Variants in ZNF277 observed in about 807,000 individuals in gnomAD.
The protein encoded by ZNF277 is zinc finger protein 277.
Under a neutral mutation model 60.7 loss-of-function variants are expected in ZNF277, and 55 were observed. The observed-to-expected ratio is 0.91, with a 90% confidence interval of 0.73 to 1.13. ZNF277 has a LOEUF of 1.13. Ranked by LOEUF, ZNF277 falls within the 50% of genes most tolerant of loss-of-function variation. ZNF277 has a pLI of 0.00. For synonymous variants in ZNF277, 178 were observed against 179.3 expected, an observed-to-expected ratio of 0.99 and a Z score of 0.06; for missense variants, 510 against 523.0, an observed-to-expected ratio of 0.98 and a Z score of 0.24.
At chr7:112,327,865 T>C in intron 6 of ZNF277, 38 bp downstream of exon 6, 1 of 1,336,838 alleles carries the variant, frequency 7.5e-7, no homozygotes, top group Non-Finnish European at 1.0e-6. Flanking sequence ...TAAAGCTGTT[T>C]TAATCTTGGA....
chr7:112,258,213 A>G (rs1791367752), intron 1 of ZNF277, among the ~76,000 whole-genome samples: 1 of 152,178 alleles, frequency 6.6e-6, no homozygotes, highest in South Asian at 2.1e-4. Flanking sequence ...AGGTAAGTGC[A>G]TGAATTTTAG....
At chr7:112,317,102 G>A (rs1186969581) in intron 4 of ZNF277, among the ~76,000 whole-genome samples, 1 of 152,074 alleles carries the variant, frequency 6.6e-6, no homozygotes, top group African/African-American at 2.4e-5. Flanking sequence ...GTTGAACAAT[G>A]AGAACACATG....
intron 1 of ZNF277, among the ~76,000 whole-genome samples, chr7:112,212,380 C>T (rs926589393): frequency 3.9e-5 from 6 of 152,148 alleles, no homozygotes; most frequent in South Asian, 2.1e-4. Context: ...TTTGACAAAA[C>T]GGTATTTAAA....
intron 1 of ZNF277, among the ~76,000 whole-genome samples, chr7:112,248,800 C>T (rs1428071216): frequency 6.6e-6 from 1 of 152,024 alleles, no homozygotes; most frequent in Non-Finnish European, 1.5e-5. Context: ...AAATGATAGT[C>T]ATCATTTTTG....
chr7:112,292,506 CCT>C (rs2117070872), intron 2 of ZNF277, among the ~76,000 whole-genome samples: 1 of 152,256 alleles, frequency 6.6e-6, no homozygotes, highest in South Asian at 2.1e-4. Context: ...TTCTATGTGA[CCT>C]CATTGGTCTC....
At chr7:112,316,551 A>G (rs540965744) in intron 4 of ZNF277, among the ~76,000 whole-genome samples, 1 of 151,984 alleles carries the variant, frequency 6.6e-6, no homozygotes, top group Non-Finnish European at 1.5e-5. Context: ...TGCTTGCAGA[A>G]GCTTTCTAGT....
At chr7:112,317,583 A>G (rs916257458) in intron 4 of ZNF277, among the ~76,000 whole-genome samples, 1 of 152,156 alleles carries the variant, frequency 6.6e-6, no homozygotes, top group Admixed American at 6.6e-5. Flanking sequence ...TTATCAGAGC[A>G]TATTTTAAAT....
chr7:112,257,093 A>G (rs1791331469), intron 1 of ZNF277, among the ~76,000 whole-genome samples: 3 of 152,216 alleles, frequency 2.0e-5, no homozygotes, highest in Admixed American at 2.0e-4. Flanking sequence ...ATGGGATTAC[A>G]CACTTCACTG....
chr7:112,216,638 C>T (rs887926062), intron 1 of ZNF277, among the ~76,000 whole-genome samples: 1 of 152,198 alleles, frequency 6.6e-6, no homozygotes, highest in African/African-American at 2.4e-5. Flanking sequence ...ATTAGCACTC[C>T]TGGTTAAGAT....
At chr7:112,226,759 CAG>C (rs1418126110) in intron 1 of ZNF277, among the ~76,000 whole-genome samples, 1 of 152,060 alleles carries the variant, frequency 6.6e-6, no homozygotes, top group Non-Finnish European at 1.5e-5. Flanking sequence ...GTATCATTGT[CAG>C]AAATGTCAGT....
intron 1 of ZNF277, among the ~76,000 whole-genome samples, chr7:112,214,642 C>G (rs1821835545): frequency 1.3e-5 from 2 of 152,082 alleles, no homozygotes; most frequent in Admixed American, 6.6e-5. Flanking sequence ...CTATAGGAAC[C>G]AAGTAAAGTT....
intron 1 of ZNF277, among the ~76,000 whole-genome samples, chr7:112,225,902 T>C (rs1392214881): frequency 6.6e-6 from 1 of 152,198 alleles, no homozygotes; most frequent in Non-Finnish European, 1.5e-5. Flanking sequence ...AAGAAAATTT[T>C]TTGAGCAAAT....
chr7:112,284,298 CAATT>C (rs1180992946), intron 1 of ZNF277, among the ~76,000 whole-genome samples: 2 of 152,126 alleles, frequency 1.3e-5, no homozygotes, highest in African/African-American at 4.8e-5. Flanking sequence ...CTGTATATCT[CAATT>C]AAATCTGTGG....
intron 1 of ZNF277, among the ~76,000 whole-genome samples, chr7:112,259,762 C>A (rs898119381): frequency 5.3e-5 from 8 of 152,172 alleles, no homozygotes; most frequent in Non-Finnish European, 1.0e-4. Context: ...ACAGCTCATA[C>A]AAACTGAGTA....
At chr7:112,212,887 T>G (rs4132325) in intron 1 of ZNF277, among the ~76,000 whole-genome samples, 2 of 152,012 alleles carry the variant, frequency 1.3e-5, no homozygotes, top group African/African-American at 2.4e-5. Flanking sequence ...CACACACACA[T>G]TGACACTCAA....
At chr7:112,300,000 G>A (rs1792439588) in intron 4 of ZNF277, among the ~76,000 whole-genome samples, 1 of 152,166 alleles carries the variant, frequency 6.6e-6, no homozygotes, top group African/African-American at 2.4e-5. Flanking sequence ...GGCAGAAACT[G>A]TGTCTTATAT....
chr7:112,249,507 A>C (rs1228386038), intron 1 of ZNF277, among the ~76,000 whole-genome samples: 2 of 152,060 alleles, frequency 1.3e-5, no homozygotes, highest in Non-Finnish European at 2.9e-5. Flanking sequence ...AACTTAGTTG[A>C]TAGTAGAAAG....
Position 112,337,722 on chromosome 7 carries a change from T to A in ZNF277, c.870-8T>A. 2 of 1,609,880 alleles carry A rather than the reference T, an allele frequency of 1.2e-6. No homozygotes were observed. The highest frequency in any genetic ancestry group is 1.7e-6 in the Non-Finnish European group (2 of 1,178,376). Reference sequence around the variant, plus strand: ...TCTCCGTATTTTCTCTCCTCTTTTTTAATTCAGTGACTGGTCTGATTGGGA... The same window carrying A: ...TCTCCGTATTTTCTCTCCTCTTTTTAAATTCAGTGACTGGTCTGATTGGGA... On this transcript the variant is annotated splice_polypyrimidine_tract_variant and splice_region_variant and intron_variant, in intron 8 of 11. Transcript: ENST00000361822.
At chr7:112,296,336 A>G in intron 4 of ZNF277, 25 bp downstream of exon 4, 2 of 1,309,230 alleles carry the variant, frequency 1.5e-6, no homozygotes, top group Non-Finnish European at 2.1e-6. Flanking sequence ...TAAAGGGTGA[A>G]TAGTGTCTTG....
Sources: allele counts gnomAD v4.1 joint callset (sites outside exome capture counted in the v4.1 genomes callset), GRCh38; gene constraint gnomAD v4.1.1; transcripts MANE v1.5; gene names NCBI Gene and HGNC (gene_info 2026-07-23, HGNC 2026-07-21).